ST7: variants seen among roughly 807,000 people sequenced by gnomAD.
ST7 encodes suppressor of tumorigenicity 7 protein.
A neutral mutation model predicts 78.7 loss-of-function variants in ST7; 28 were observed. That is an observed-to-expected ratio of 0.36 (90% CI 0.26 to 0.49). The LOEUF (loss-of-function observed/expected upper bound fraction) is 0.49, where lower values mean the gene tolerates loss of function less well. ST7 is among the 20% of genes least tolerant of loss of function. ST7 has a pLI of 0.99. For synonymous variants in ST7, 247 were observed against 249.6 expected, an observed-to-expected ratio of 0.99 and a Z score of 0.10; for missense variants, 418 against 696.0, an observed-to-expected ratio of 0.60 and a Z score of 4.49.
At chr7:117,222,268 C>T (rs1375425425) in intron 15 of ST7, among the ~76,000 whole-genome samples, 2 of 152,124 alleles carry the variant, frequency 1.3e-5, no homozygotes, top group Non-Finnish European at 2.9e-5. Flanking sequence ...GCATGCCTTG[C>T]CTCATTTCAC....
intron 1 of ST7, among the ~76,000 whole-genome samples, chr7:117,035,819 CT>C (rs34596214): frequency 0.52 from 77,349 of 149,124 alleles, 20,733 homozygotes; most frequent in Non-Finnish European, 0.6. Flanking sequence ...TAGAATCAGT[CT>C]TTTTTTTTTT....
At chr7:117,074,970 G>T (rs1375065327) in intron 1 of ST7, among the ~76,000 whole-genome samples, 1 of 152,104 alleles carries the variant, frequency 6.6e-6, no homozygotes. Context: ...ATCACAATTT[G>T]GGTTAGTGGG....
At chr7:116,968,585 G>T (rs972957320) in intron 1 of ST7, 10 of 300,260 alleles carry the variant, frequency 3.3e-5, no homozygotes, top group African/African-American at 1.1e-4. Context: ...TTAGCGAGTC[G>T]CAGTGCTTGG....
intron 2 of ST7, among the ~76,000 whole-genome samples, chr7:117,115,804 G>GATTTTCATAA (rs1232639089): frequency 6.6e-6 from 1 of 151,950 alleles, no homozygotes; most frequent in Non-Finnish European, 1.5e-5. Flanking sequence ...AAAACAAAAT[G>GATTTTCATAA]AACACAAAAC....
At chr7:117,152,162 TTATATATATAAAAAC>T (rs1292322695) in intron 9 of ST7, among the ~76,000 whole-genome samples, 14 of 118,264 alleles carry the variant, frequency 1.2e-4, no homozygotes, top group African/African-American at 4.1e-4. Flanking sequence ...AATATATGTA[TTATATATATAAAAAC>T]TATATATATA....
chr7:117,207,622 A>T (rs1229505565), intron 12 of ST7, among the ~76,000 whole-genome samples: 2 of 152,200 alleles, frequency 1.3e-5, no homozygotes, highest in Non-Finnish European at 1.5e-5. Flanking sequence ...CTTTTCTTTT[A>T]TCCACCATCT....
chr7:117,002,318 C>A (rs1794969074), intron 1 of ST7, among the ~76,000 whole-genome samples: 1 of 151,956 alleles, frequency 6.6e-6, no homozygotes, highest in Non-Finnish European at 1.5e-5. Flanking sequence ...GTCTTGATCT[C>A]CTAGGCTTAA....
At chr7:117,171,574 A>G (rs189960616) in intron 10 of ST7, among the ~76,000 whole-genome samples, 11 of 151,550 alleles carry the variant, frequency 7.3e-5, no homozygotes, top group Admixed American at 2.0e-4. Flanking sequence ...AACTTATTCC[A>G]TTTTGCCTGT....
intron 1 of ST7, among the ~76,000 whole-genome samples, chr7:117,097,904 ATATATTTTT>A (rs1177131956): frequency 0.028 from 936 of 33,588 alleles, 32 homozygotes; most frequent in African/African-American, 0.087. Flanking sequence ...ATATATATAT[ATATATTTTT>A]TTTTTTTTTT....
At chr7:117,026,096 A>G (rs1243248946) in intron 1 of ST7, among the ~76,000 whole-genome samples, 1 of 152,238 alleles carries the variant, frequency 6.6e-6, no homozygotes, top group Non-Finnish European at 1.5e-5. Flanking sequence ...TCTATGGGGA[A>G]AATTACCATA....
chr7:117,124,080 GA>G (rs1413531275), intron 3 of ST7, among the ~76,000 whole-genome samples: 2 of 151,992 alleles, frequency 1.3e-5, no homozygotes, highest in African/African-American at 4.8e-5. Context: ...TACATGGCCA[GA>G]AGCAATTTAA....
At chr7:116,976,447 G>C (rs1311714324) in intron 1 of ST7, among the ~76,000 whole-genome samples, 1 of 152,172 alleles carries the variant, frequency 6.6e-6, no homozygotes, top group East Asian at 1.9e-4. Context: ...TTGAGGTTGG[G>C]TTCAGGTCTG....
chr7:117,016,987 C>A (rs1440580102), intron 1 of ST7, among the ~76,000 whole-genome samples: 1 of 152,072 alleles, frequency 6.6e-6, no homozygotes, highest in Non-Finnish European at 1.5e-5. Flanking sequence ...TTTGATGATT[C>A]AAGAACAGAT....
chr7:117,138,065 AAAAAAATAG>A (rs1183405279), intron 8 of ST7, among the ~76,000 whole-genome samples: 1 of 152,184 alleles, frequency 6.6e-6, no homozygotes, highest in Non-Finnish European at 1.5e-5. Flanking sequence ...CAAGAATGAA[AAAAAAATAG>A]TTCATCAGGA....
intron 1 of ST7, among the ~76,000 whole-genome samples, chr7:116,991,678 C>A (rs1174824565): frequency 1.3e-5 from 2 of 152,158 alleles, no homozygotes; most frequent in African/African-American, 4.8e-5. Flanking sequence ...TCTGGCCTCT[C>A]CAAATTTCAT....
intron 2 of ST7, among the ~76,000 whole-genome samples, chr7:117,109,719 C>A (rs1275747616): frequency 6.6e-6 from 1 of 152,084 alleles, no homozygotes; most frequent in East Asian, 1.9e-4. Flanking sequence ...AATGCCCAAA[C>A]CAGGAAACAA....
intron 1 of ST7, among the ~76,000 whole-genome samples, chr7:116,979,124 G>A (rs1442510971): frequency 6.6e-6 from 1 of 152,150 alleles, no homozygotes; most frequent in East Asian, 1.9e-4. Flanking sequence ...TGTGCATTGG[G>A]AGCCTGGAGA....
chr7:117,099,074 A>AAG (rs1563080269), intron 1 of ST7, among the ~76,000 whole-genome samples: 7 of 149,402 alleles, frequency 4.7e-5, no homozygotes, highest in South Asian at 2.1e-4. Context: ...AACAAAAAAA[A>AAG]AAGAAGAAGA....
chr7:117,198,573 A>G (rs1810523478), intron 12 of ST7: 1 of 274,974 alleles, frequency 3.6e-6, no homozygotes, highest in African/African-American at 2.2e-5. Flanking sequence ...ATTGTTACCC[A>G]TTTCCGACCT....
Sources: allele counts gnomAD v4.1 joint callset (sites outside exome capture counted in the v4.1 genomes callset), GRCh38; gene constraint gnomAD v4.1.1; transcripts MANE v1.5; gene names NCBI Gene and HGNC (gene_info 2026-07-23, HGNC 2026-07-21).